SCFD2: variants seen among roughly 807,000 people sequenced by gnomAD.
SCFD2 encodes the protein sec1 family domain-containing protein 2.
A neutral mutation model predicts 58.9 loss-of-function variants in SCFD2; 54 were observed. The ratio of observed to expected loss-of-function variants is 0.92; its 90% confidence interval spans 0.74 to 1.15. The LOEUF is 1.15. SCFD2 is among the 50% of genes most tolerant of loss of function. The probability of loss-of-function intolerance (pLI) is 0.00; values close to 1 mark genes in which losing one functional copy is unlikely to be tolerated. For synonymous variants in SCFD2, 321 were observed against 335.9 expected (o/e 0.96, Z 0.49); for missense variants, 805 against 836.6 (o/e 0.96, Z 0.47).
In SCFD2 at chr4:53,365,189, G is replaced by C. The variant is rs773439319; in HGVS notation, c.753C>G (p.Ala251=). 1.9e-6 allele frequency: 3 copies of C among 1,614,024 alleles called. No individual in the cohort carries two copies. The highest frequency in any genetic ancestry group is 2.5e-6 in the Non-Finnish European group (3 of 1,180,040). The change falls in exon 1 of 9, where the codon GCC becomes GCG. Residue 251 remains alanine, a synonymous_variant. Coordinates refer to ENST00000401642, the MANE Select transcript of SCFD2 (RefSeq NM_152540.4). The surrounding 1 kb of genome is among the most constrained non-coding windows in gnomAD (Gnocchi z 4.3). ...SLSQVIAADL[A]NYAPAKNRKK... ...TCCTGTTCTTTGCAGGGGCATAATT[G>C]GCCAGATCCGCAGCGATGACCTGAC... is the stretch of plus-strand genomic sequence containing the variant.
At chr4:53,024,276 A>C (rs1560513017) in intron 5 of SCFD2, among the ~76,000 whole-genome samples, 1 of 152,196 alleles carries the variant, frequency 6.6e-6, no homozygotes, top group Non-Finnish European at 1.5e-5. Context: ...TGGCTGGCTC[A>C]ATCTTTTCTT....
intron 4 of SCFD2, among the ~76,000 whole-genome samples, chr4:53,250,365 C>A (rs1248763075): frequency 2.0e-5 from 3 of 152,104 alleles, no homozygotes; most frequent in Non-Finnish European, 2.9e-5. Flanking sequence ...GACTTTAACA[C>A]CCCACTGTCA....
At chr4:53,339,996 T>C (rs1366217242) in intron 2 of SCFD2, among the ~76,000 whole-genome samples, 1 of 152,070 alleles carries the variant, frequency 6.6e-6, no homozygotes, top group Admixed American at 6.5e-5. Context: ...GGTTCCAAGA[T>C]GACCGAATAG....
chr4:53,302,302 C>T (rs948813841), intron 3 of SCFD2, among the ~76,000 whole-genome samples: 11 of 152,096 alleles, frequency 7.2e-5, no homozygotes, highest in African/African-American at 2.2e-4. Flanking sequence ...TCTTATACAC[C>T]AATAACAGAC....
intron 5 of SCFD2, among the ~76,000 whole-genome samples, chr4:53,026,596 G>C (rs1318460244): frequency 6.6e-6 from 1 of 152,160 alleles, no homozygotes; most frequent in Admixed American, 6.5e-5. Context: ...GCCAGCTAGG[G>C]ACATGTGGAT....
intron 5 of SCFD2, among the ~76,000 whole-genome samples, chr4:53,102,869 A>T (rs1724869668): frequency 6.6e-6 from 1 of 152,034 alleles, no homozygotes; most frequent in Non-Finnish European, 1.5e-5. Flanking sequence ...GTAAAACAAT[A>T]AGGTACCCAA....
intron 5 of SCFD2, among the ~76,000 whole-genome samples, chr4:53,011,745 C>CT (rs1722097753): frequency 1.3e-5 from 2 of 152,216 alleles, no homozygotes; most frequent in Admixed American, 6.5e-5. Flanking sequence ...CTGTGAAACG[C>CT]TTCAAGCTTC....
At chr4:52,997,403 G>A (rs1721766286) in intron 5 of SCFD2, among the ~76,000 whole-genome samples, 1 of 152,212 alleles carries the variant, frequency 6.6e-6, no homozygotes, top group African/African-American at 2.4e-5. Flanking sequence ...GGCAGGAATA[G>A]AAAGGCGAAA....
chr4:52,937,257 G>C (rs939307730), intron 5 of SCFD2, among the ~76,000 whole-genome samples: 1 of 152,194 alleles, frequency 6.6e-6, no homozygotes, highest in Non-Finnish European at 1.5e-5. Context: ...GAGCAAGGGG[G>C]CCAAGTGGCT....
intron 5 of SCFD2, among the ~76,000 whole-genome samples, chr4:53,041,529 AAGTGATTAACTGTGCACTCCAGTTAC>A (rs1722900996): frequency 6.6e-6 from 1 of 152,170 alleles, no homozygotes; most frequent in Admixed American, 6.5e-5. Flanking sequence ...GAGAGTAACT[AAGTGATTAACTGTGCACTCCAGTTAC>A]CAGCTTTTGG....
chr4:52,963,670 T>C (rs1720900921), intron 5 of SCFD2, among the ~76,000 whole-genome samples: 1 of 152,214 alleles, frequency 6.6e-6, no homozygotes, highest in African/African-American at 2.4e-5. Context: ...GCCATGATTA[T>C]TTATTTTTCC....
chr4:53,289,939 T>C (rs1731787044), intron 3 of SCFD2, among the ~76,000 whole-genome samples: 1 of 152,214 alleles, frequency 6.6e-6, no homozygotes, highest in South Asian at 2.1e-4. Context: ...ATAACAATTA[T>C]AAATATATAC....
At chr4:52,886,712 A>G (rs1447282904) in intron 7 of SCFD2, among the ~76,000 whole-genome samples, 2 of 152,212 alleles carry the variant, frequency 1.3e-5, no homozygotes, top group Non-Finnish European at 2.9e-5. Context: ...GCCCTTAGAG[A>G]GATGATGACT....
intron 2 of SCFD2, among the ~76,000 whole-genome samples, chr4:53,347,109 G>A (rs1187137227): frequency 6.6e-6 from 1 of 152,204 alleles, no homozygotes; most frequent in African/African-American, 2.4e-5. Context: ...AATGTAATCA[G>A]TGTCTTAAAC....
At chr4:52,950,825 C>T (rs968270568) in intron 5 of SCFD2, 3 of 151,942 alleles carry the variant, frequency 2.0e-5, no homozygotes, top group Non-Finnish European at 4.4e-5. Flanking sequence ...CTCAATGAGA[C>T]AAAATGTGTC....
intron 4 of SCFD2, among the ~76,000 whole-genome samples, chr4:53,237,695 T>C (rs1163901584): frequency 6.0e-5 from 6 of 99,662 alleles, no homozygotes; most frequent in Non-Finnish European, 4.0e-5. Flanking sequence ...GCAGAGGGGC[T>C]CCTCACTTCC....
intron 5 of SCFD2, among the ~76,000 whole-genome samples, chr4:53,096,110 A>G (rs1047385843): frequency 3.9e-5 from 6 of 152,196 alleles, no homozygotes; most frequent in African/African-American, 1.4e-4. Context: ...TTCTTAATCC[A>G]GTCTATCATA....
chr4:53,200,572 T>C (rs755390944), intron 4 of SCFD2, among the ~76,000 whole-genome samples: 2 of 152,116 alleles, frequency 1.3e-5, no homozygotes, highest in Non-Finnish European at 2.9e-5. Context: ...AATCTGTTTC[T>C]GGAAAGAACA....
intron 5 of SCFD2, among the ~76,000 whole-genome samples, chr4:53,000,857 C>T (rs77525505): frequency 5.3e-5 from 8 of 152,300 alleles, no homozygotes; most frequent in African/African-American, 1.9e-4. Context: ...CTTTGCCTAC[C>T]ACTCACTTCC....
Sources: allele counts gnomAD v4.1 joint callset (sites outside exome capture counted in the v4.1 genomes callset), GRCh38; gene constraint gnomAD v4.1.1; non-coding constraint Gnocchi (gnomAD v3.1); transcripts MANE v1.5; gene names NCBI Gene and HGNC (gene_info 2026-07-23, HGNC 2026-07-21).